Variants in KCTD8 observed in about 807,000 individuals in gnomAD.
KCTD8 encodes BTB/POZ domain-containing protein KCTD8.
In KCTD8, 27 loss-of-function variants were observed where a neutral mutation model predicts 31.5. That is an observed-to-expected ratio of 0.86 (90% confidence interval 0.63 to 1.18). KCTD8 has a LOEUF of 1.18. Ranked by LOEUF, KCTD8 falls within the 50% of genes most tolerant of loss-of-function variation. The probability of loss-of-function intolerance (pLI) is 0.00; values close to 1 mark genes in which losing one functional copy is unlikely to be tolerated. For synonymous variants in KCTD8, 290 were observed against 280.0 expected, an observed-to-expected ratio of 1.04 and a Z score of -0.36; for missense variants, 658 against 647.7, an observed-to-expected ratio of 1.02 and a Z score of -0.17.
intron 1 of KCTD8, among the ~76,000 whole-genome samples, chr4:44,430,910 CTCTT>C (rs1721487166): frequency 6.6e-6 from 1 of 151,452 alleles, no homozygotes; most frequent in African/African-American, 2.4e-5. Context: ...ATGGTTATTT[CTCTT>C]TCTTTTTTTT....
intron 1 of KCTD8, among the ~76,000 whole-genome samples, chr4:44,181,050 T>TA (rs1713368067): frequency 1.3e-5 from 2 of 152,192 alleles, no homozygotes; most frequent in African/African-American, 4.8e-5. Context: ...TAATTACATC[T>TA]ATTCTTACTG....
At chr4:44,201,224 C>T (rs922373479) in intron 1 of KCTD8, among the ~76,000 whole-genome samples, 1 of 151,982 alleles carries the variant, frequency 6.6e-6, no homozygotes, top group Non-Finnish European at 1.5e-5. Context: ...GTTAAAATGG[C>T]CATGCTGTCC....
At chr4:44,360,099 G>A (rs747117310) in intron 1 of KCTD8, among the ~76,000 whole-genome samples, 34 of 151,562 alleles carry the variant, frequency 2.2e-4, no homozygotes, top group African/African-American at 3.9e-4. Flanking sequence ...AGAAGTTAGC[G>A]GCAATACAAA....
chr4:44,184,328 TA>T (rs1255273989), intron 1 of KCTD8, among the ~76,000 whole-genome samples: 19 of 152,162 alleles, frequency 1.2e-4, no homozygotes, highest in African/African-American at 4.3e-4. Context: ...GACAAATGAA[TA>T]AAATTAATTT....
chr4:44,253,179 T>C (rs1240358893), intron 1 of KCTD8, among the ~76,000 whole-genome samples: 3 of 151,854 alleles, frequency 2.0e-5, no homozygotes, highest in Non-Finnish European at 4.4e-5. Flanking sequence ...CATTAGTCTT[T>C]CCATAAAATC....
intron 1 of KCTD8, among the ~76,000 whole-genome samples, chr4:44,224,498 G>A (rs1714893854): frequency 6.6e-6 from 1 of 151,474 alleles, no homozygotes; most frequent in South Asian, 2.1e-4. Flanking sequence ...TTAGGATAAT[G>A]TCAGACAATC....
chr4:44,182,150 C>G (rs1299669780), intron 1 of KCTD8, among the ~76,000 whole-genome samples: 1 of 151,518 alleles, frequency 6.6e-6, no homozygotes, highest in African/African-American at 2.4e-5. Context: ...CGGCCAGCCG[C>G]CCCGTCCGAG....
chr4:44,348,881 G>A (rs1719112744), intron 1 of KCTD8, among the ~76,000 whole-genome samples: 1 of 151,944 alleles, frequency 6.6e-6, no homozygotes, highest in Non-Finnish European at 1.5e-5. Context: ...CCTGTCAGTT[G>A]GCACAGTCCT....
rs144527509 is a variant in KCTD8 at position 44,405,704 on chromosome 4, C to T, written c.961+41859G>A. ...AATACCAAGAAAATTGTGTTATCCA[C>T]TTTTATCTTAATCCAAGATAACAAC... On this transcript the variant is annotated intron_variant, in intron 1 of 1. Transcript: ENST00000360029. 4.0e-5 allele frequency among the ~76,000 whole-genome samples: 6 copies of T among 150,114 alleles called. No individual in the cohort carries two copies. The East Asian group carries it at 7.9e-4, about 20-fold the overall frequency.
intron 1 of KCTD8, among the ~76,000 whole-genome samples, chr4:44,435,120 T>C (rs1721611034): frequency 6.6e-6 from 1 of 151,990 alleles, no homozygotes; most frequent in South Asian, 2.1e-4. Flanking sequence ...CTTCCTTGTT[T>C]TTTACTTCGA....
chr4:44,304,107 A>T (rs959721166), intron 1 of KCTD8, among the ~76,000 whole-genome samples: 4 of 152,122 alleles, frequency 2.6e-5, no homozygotes, highest in Non-Finnish European at 5.9e-5. Context: ...GAGACACCAG[A>T]ATTTTGATTC....
chr4:44,216,265 T>C (rs536025598), intron 1 of KCTD8, among the ~76,000 whole-genome samples: 2 of 152,300 alleles, frequency 1.3e-5, no homozygotes, highest in South Asian at 2.1e-4. Flanking sequence ...TGTTCAAATG[T>C]TGGTTTTCCA....
intron 1 of KCTD8, among the ~76,000 whole-genome samples, chr4:44,354,848 T>C (rs906910103): frequency 6.6e-6 from 1 of 152,234 alleles, no homozygotes; most frequent in Non-Finnish European, 1.5e-5. Context: ...AGCAAATAAC[T>C]TGCATACAAT....
At chr4:44,353,172 T>C (rs1052534604) in intron 1 of KCTD8, among the ~76,000 whole-genome samples, 4 of 152,142 alleles carry the variant, frequency 2.6e-5, no homozygotes, top group Admixed American at 6.6e-5. Context: ...AACTAGGTTT[T>C]GTGTCTTCCA....
In KCTD8 at chr4:44,325,014, AT is replaced by A. The variant is rs1053814392; in HGVS notation, c.961+122548del. ...TGTTTTAAAGATCAGATCAGATTAT[AT>A]AAGCATGAGAACAAATAGGGTGGAA... is the stretch of plus-strand genomic sequence containing the variant. On this transcript the variant is annotated intron_variant, in intron 1 of 1. Coordinates refer to ENST00000360029, the MANE Select transcript of KCTD8 (RefSeq NM_198353.3). 5.3e-5 allele frequency among the ~76,000 whole-genome samples: 8 copies of A among 152,138 alleles called. No individual in the cohort carries two copies. The East Asian group carries it at 1.5e-3, about 29-fold the overall frequency.
At chr4:44,433,466 T>C (rs1016085596) in intron 1 of KCTD8, among the ~76,000 whole-genome samples, 1 of 151,766 alleles carries the variant, frequency 6.6e-6, no homozygotes, top group Admixed American at 6.6e-5. Flanking sequence ...TGATGAGAAA[T>C]TCAAGGAAGG....
At chr4:44,404,886 G>A (rs1720747447) in intron 1 of KCTD8, among the ~76,000 whole-genome samples, 1 of 152,168 alleles carries the variant, frequency 6.6e-6, no homozygotes, top group Admixed American at 6.5e-5. Flanking sequence ...ACTTTCAGGA[G>A]CTAAATGCCT....
At chr4:44,442,780 C>CGTAT (rs56772852) in intron 1 of KCTD8, among the ~76,000 whole-genome samples, 9 of 35,914 alleles carry the variant, frequency 2.5e-4, no homozygotes, top group East Asian at 1.7e-3. Flanking sequence ...GGTATACACA[C>CGTAT]ACACACACAC....
intron 1 of KCTD8, among the ~76,000 whole-genome samples, chr4:44,427,422 A>G (rs2109474848): frequency 6.6e-6 from 1 of 151,594 alleles, no homozygotes. Context: ...AAATATTAGA[A>G]GGGAAAGAAT....
Sources: gnomAD v4.1 joint callset for allele counts (sites outside exome capture counted in the v4.1 genomes callset) on GRCh38, gnomAD v4.1.1 for gene constraint, MANE v1.5 for transcripts, NCBI Gene and HGNC (gene_info 2026-07-23, HGNC 2026-07-21) for gene names.